GRIK2: variants seen among roughly 807,000 people sequenced by gnomAD.
The protein encoded by GRIK2 is glutamate ionotropic receptor kainate type subunit 2, also known as glutamate receptor ionotropic, kainate 2.
Under a neutral mutation model 100.3 loss-of-function variants are expected in GRIK2, and 32 were observed. The observed-to-expected ratio is 0.32, with a 90% CI of 0.24 to 0.43. The LOEUF is 0.43. Ranked by LOEUF, GRIK2 falls within the 20% of genes least tolerant of loss-of-function variation. GRIK2 has a pLI of 1.00. For missense variants in GRIK2, 843 were observed against 1,114.9 expected (o/e 0.76, Z 3.47); for synonymous variants, 417 against 389.4 (o/e 1.07, Z -0.83).
chr6:101,494,035 T>TTTTA (rs1554208848), intron 2 of GRIK2, among the ~76,000 whole-genome samples: 1 of 144,034 alleles, frequency 6.9e-6, no homozygotes, highest in African/African-American at 2.5e-5. Flanking sequence ...TATATATAAT[T>TTTTA]TATTATATAA....
intron 2 of GRIK2, among the ~76,000 whole-genome samples, chr6:101,616,735 G>A (rs1015237266): frequency 6.6e-6 from 1 of 151,636 alleles, no homozygotes; most frequent in Non-Finnish European, 1.5e-5. Flanking sequence ...CTTCAATAAA[G>A]TTTGTGTCGA....
chr6:102,062,290 C>CT (rs1038129274), intron 16 of GRIK2, among the ~76,000 whole-genome samples: 4 of 150,364 alleles, frequency 2.7e-5, no homozygotes, highest in Non-Finnish European at 6.0e-5. Context: ...TTTCTGTCTG[C>CT]TGTATAATTT....
intron 7 of GRIK2, among the ~76,000 whole-genome samples, chr6:101,772,781 C>A (rs1778488565): frequency 6.6e-6 from 1 of 151,872 alleles, no homozygotes; most frequent in Non-Finnish European, 1.5e-5. Flanking sequence ...AGACTACTCT[C>A]TAACATTAAT....
intron 7 of GRIK2, among the ~76,000 whole-genome samples, chr6:101,707,594 G>GTATATATATATATATA (rs1193552049): frequency 2.9e-4 from 31 of 106,100 alleles, no homozygotes; most frequent in South Asian, 1.3e-3. Flanking sequence ...GTGTGTGTGT[G>GTATATATATATATATA]TATATATGTG....
Position 101,775,888 on chromosome 6 carries a change from A to G in GRIK2, c.952-23760A>G, listed in dbSNP as rs532979128. On this transcript the variant is annotated intron_variant, in intron 7 of 16. Coordinates refer to ENST00000369134, the MANE Select transcript of GRIK2 (RefSeq NM_021956.5). ...ACCCAGGCTGGAGTGCAGTGGCACT[A>G]TCTTGGCTCACTAAAAATTCATATA... 1.1e-4 allele frequency among the ~76,000 whole-genome samples: 16 copies of G among 152,116 alleles called. No individual in the cohort carries two copies. The South Asian group carries it at 1.5e-3, about 14-fold the overall frequency.
chr6:102,010,087 G>C (rs943514720), intron 14 of GRIK2, among the ~76,000 whole-genome samples: 2 of 151,974 alleles, frequency 1.3e-5, no homozygotes, highest in Non-Finnish European at 2.9e-5. Flanking sequence ...GAAAGTTACA[G>C]TATACTCACC....
rs185012592 is a variant in GRIK2 at position 101,753,227 on chromosome 6, A to G, written c.952-46421A>G. Reference sequence around the variant, plus strand: ...GAACCTGGGAGGCGGAGCTTGCAGTAAGCCGAGATCTTGCCACTGCACTCC... The same window carrying G: ...GAACCTGGGAGGCGGAGCTTGCAGTGAGCCGAGATCTTGCCACTGCACTCC... On this transcript the variant is annotated intron_variant, in intron 7 of 16. Transcript: ENST00000369134. Among the ~76,000 whole-genome samples the G allele has an allele frequency of 3.9e-3, 581 of 150,850 alleles. 4 individuals carry two copies. Among genetic ancestry groups the G allele is most frequent in the African/African-American group, 0.013 (543 of 41,056 alleles).
chr6:101,655,720 G>C (rs1782026001), intron 4 of GRIK2, among the ~76,000 whole-genome samples: 1 of 152,088 alleles, frequency 6.6e-6, no homozygotes, highest in South Asian at 2.1e-4. Flanking sequence ...CCAACCAGTG[G>C]ACATGACAAG....
chr6:102,029,940 A>T (rs1433737455), intron 14 of GRIK2, among the ~76,000 whole-genome samples: 1 of 151,240 alleles, frequency 6.6e-6, no homozygotes, highest in Non-Finnish European at 1.5e-5. Flanking sequence ...CATATATATA[A>T]AGTTATCATA....
intron 12 of GRIK2, among the ~76,000 whole-genome samples, chr6:101,923,674 A>G (rs950494302): frequency 5.3e-5 from 8 of 152,194 alleles, no homozygotes; most frequent in Middle Eastern, 3.4e-3. Flanking sequence ...TAATCCTAGC[A>G]CTTTGGGAGG....
chr6:101,749,499 AG>A (rs574607450), intron 7 of GRIK2, among the ~76,000 whole-genome samples: 136 of 152,192 alleles, frequency 8.9e-4, no homozygotes, highest in Non-Finnish European at 1.7e-3. Flanking sequence ...TCCTAGTTCC[AG>A]AGCCTGGCCT....
intron 4 of GRIK2, among the ~76,000 whole-genome samples, chr6:101,645,861 T>C (rs1299248934): frequency 1.3e-5 from 2 of 151,968 alleles, no homozygotes; most frequent in African/African-American, 4.8e-5. Flanking sequence ...TTAGTATCCT[T>C]TCTGCTCTTT....
chr6:101,728,871 A>G (rs1275790321), intron 7 of GRIK2, among the ~76,000 whole-genome samples: 8 of 152,050 alleles, frequency 5.3e-5, no homozygotes, highest in Admixed American at 5.3e-4. Flanking sequence ...GTCACTTACC[A>G]TTTCATTCTA....
At chr6:101,525,780 A>G (rs1461574765) in intron 2 of GRIK2, among the ~76,000 whole-genome samples, 1 of 152,204 alleles carries the variant, frequency 6.6e-6, no homozygotes, top group Non-Finnish European at 1.5e-5. Flanking sequence ...AATAATGTGC[A>G]TGTGTAATTA....
intron 7 of GRIK2, among the ~76,000 whole-genome samples, chr6:101,688,287 A>C (rs2128345110): frequency 6.6e-6 from 1 of 151,794 alleles, no homozygotes; most frequent in South Asian, 2.1e-4. Flanking sequence ...CAGATAAATA[A>C]GTCCAATGAC....
At chr6:101,718,826 C>T (rs536476925) in intron 7 of GRIK2, among the ~76,000 whole-genome samples, 1 of 152,038 alleles carries the variant, frequency 6.6e-6, no homozygotes, top group East Asian at 1.9e-4. Flanking sequence ...GATCCTCAAC[C>T]AAGCAAGGGT....
intron 14 of GRIK2, among the ~76,000 whole-genome samples, chr6:101,958,282 T>TGTGTGTGTGTGTGTGTGTGTGTGG (rs1562511065): frequency 8.6e-5 from 13 of 151,478 alleles, no homozygotes; most frequent in African/African-American, 2.9e-4. Context: ...TGTGTGTGTG[T>TGTGTGTGTGTGTGTGTGTGTGTGG]GGGTCCATTG....
intron 2 of GRIK2, among the ~76,000 whole-genome samples, chr6:101,452,282 A>T (rs1770748392): frequency 6.6e-6 from 1 of 151,782 alleles, no homozygotes. Context: ...TTTATGTAGC[A>T]ATAGTAAAAA....
intron 2 of GRIK2, among the ~76,000 whole-genome samples, chr6:101,529,725 G>C (rs1283070015): frequency 6.6e-6 from 1 of 152,040 alleles, no homozygotes; most frequent in Admixed American, 6.6e-5. Flanking sequence ...GAAATAATTA[G>C]AATCCAAGGT....
Sources: gnomAD v4.1 joint callset for allele counts (sites outside exome capture counted in the v4.1 genomes callset) on GRCh38, gnomAD v4.1.1 for gene constraint, MANE v1.5 for transcripts, NCBI Gene and HGNC (gene_info 2026-07-23, HGNC 2026-07-21) for gene names.